ICE2: variants seen among roughly 807,000 people sequenced by gnomAD.
ICE2 encodes little elongation complex subunit 2.
A neutral mutation model predicts 105.4 loss-of-function variants in ICE2; 87 were observed. The observed-to-expected ratio is 0.83, with a 90% CI of 0.69 to 0.99. The LOEUF (loss-of-function observed/expected upper bound fraction) is 0.99, where lower values mean the gene tolerates loss of function less well. Among genes scored for constraint, ICE2 ranks in the 50% least tolerant of loss-of-function variants. The pLI, the probability that ICE2 is intolerant of heterozygous loss-of-function variation, is 0.00. For synonymous variants in ICE2, 399 were observed against 392.0 expected (o/e 1.02, Z -0.21); for missense variants, 1,323 against 1,146.7 (o/e 1.15, Z -2.22).
At chr15:60,472,903 G>A (rs1025227624) in intron 3 of ICE2, among the ~76,000 whole-genome samples, 5 of 152,074 alleles carry the variant, frequency 3.3e-5, no homozygotes, top group African/African-American at 1.2e-4. Context: ...GAAAGGCTGA[G>A]AGAAAAGTTC....
chr15:60,463,734 C>T (rs754127112), intron 5 of ICE2, among the ~76,000 whole-genome samples: 2 of 152,182 alleles, frequency 1.3e-5, no homozygotes, highest in Non-Finnish European at 2.9e-5. Context: ...CGTGCCATTG[C>T]ACTCTAGCCT....
At position 60,434,520 on chromosome 15, in the gene ICE2, TACACACAC is replaced by T. The variant is rs71122858; in HGVS notation, c.2510+1615_2510+1622del. ...AATGGATGAATGAATAAAATGTGAT[TACACACAC>T]ACACACACACACACACACACACACA... is the stretch of plus-strand genomic sequence containing the variant. On this transcript the variant is annotated intron_variant, in intron 13 of 15. Transcript: ENST00000261520. Among the ~76,000 whole-genome samples the T allele has an allele frequency of 4.5e-3, 658 of 144,926 alleles. 6 individuals carry two copies. The highest frequency in any genetic ancestry group is 0.013 in the African/African-American group (501 of 37,658).
chr15:60,452,184 A>G, intron 9 of ICE2: 7 of 961,462 alleles, frequency 7.3e-6, no homozygotes, highest in Non-Finnish European at 8.7e-6. Context: ...ATAAGTTAAA[A>G]ATGCTTTATG....
Position 60,423,428 on chromosome 15 carries a change from G to T in ICE2, c.*206C>A. The T allele has an allele frequency of 2.5e-6, 1 of 398,156 alleles. No homozygotes were observed. Among genetic ancestry groups the T allele is most frequent in the South Asian group, 4.8e-5 (1 of 20,694 alleles). The allele number at this position is 398,156 out of a possible 1,614,324, so 24.7% of individuals were successfully genotyped here. On this transcript the variant is annotated 3_prime_UTR_variant, in exon 16 of 16. Coordinates refer to ENST00000261520, the MANE Select transcript of ICE2 (RefSeq NM_024611.6). ...CCATGATAATGTTAAAACATATCAA[G>T]ATCCTCCTCAAACTTCAAGGGTGAA...
chr15:60,453,565 G>GGAATGT, intron 9 of ICE2, 38 bp downstream of exon 9: 1 of 1,602,704 alleles, frequency 6.2e-7, no homozygotes. Context: ...GGATAAACAA[G>GGAATGT]TACATTCCCC....
In ICE2 at chr15:60,428,521, C is replaced by T. The variant is rs146488019; in HGVS notation, c.2728G>A (p.Asp910Asn). The T allele has an allele frequency of 6.8e-6, 11 of 1,614,130 alleles. No individual in the cohort carries two copies. Among genetic ancestry groups the T allele is most frequent in the Non-Finnish European group, 8.5e-6 (10 of 1,180,012 alleles). The change falls in exon 15 of 16, where the codon GAT (aspartate) becomes AAT (asparagine). Residue 910 changes from aspartate (D) to asparagine (N), a missense_variant. By Grantham distance (23) the Asp-to-Asn change is conservative. Coordinates refer to ENST00000261520, the MANE Select transcript of ICE2 (RefSeq NM_024611.6). Reference sequence around the variant, plus strand: ...TGATATGGTAATAACAGGCTGGGATCTAATGGGACCCAGGGAACTGAGAGA... The same window carrying T: ...TGATATGGTAATAACAGGCTGGGATTTAATGGGACCCAGGGAACTGAGAGA... The part of the protein sequence containing the change: ...SSLSVPWVPL[D>N]PSLLLPYHIH...
intron 3 of ICE2, among the ~76,000 whole-genome samples, chr15:60,475,169 T>C (rs1595829018): frequency 6.6e-6 from 1 of 152,220 alleles, no homozygotes; most frequent in East Asian, 1.9e-4. Flanking sequence ...TTGGTGTATT[T>C]ATACATTTTT....
At chr15:60,460,151 T>G (rs2141111891) in intron 5 of ICE2, among the ~76,000 whole-genome samples, 1 of 152,096 alleles carries the variant, frequency 6.6e-6, no homozygotes, top group African/African-American at 2.4e-5. Context: ...GACCATATGG[T>G]TTTGGCATCA....
At chr15:60,442,052 T>C (rs2063730397) in intron 12 of ICE2, 1 of 163,620 alleles carries the variant, frequency 6.1e-6, no homozygotes, top group South Asian at 1.8e-4. Context: ...ACCAGAGCTT[T>C]TGGAGGCTAA....
intron 5 of ICE2, among the ~76,000 whole-genome samples, chr15:60,461,949 G>T (rs36045673): frequency 0.096 from 14,628 of 152,206 alleles, 904 homozygotes; most frequent in Middle Eastern, 0.21. Context: ...AATACTATTT[G>T]AGGCTTACAA....
intron 9 of ICE2, chr15:60,452,222 G>A (rs1285691758): frequency 1.1e-6 from 1 of 936,412 alleles, no homozygotes; most frequent in Non-Finnish European, 1.3e-6. Flanking sequence ...ATATTAAAAG[G>A]CAAATGGCAA....
At position 60,449,366 on chromosome 15, in the gene ICE2, A is replaced by G. The variant is rs377001758; in HGVS notation, c.1601T>C (p.Ile534Thr). Residue 534 changes from isoleucine to threonine, a missense_variant, in exon 10 of 16, where the codon ATA becomes ACA. Ile to Thr is a moderately conservative substitution (Grantham distance 89). Transcript: ENST00000261520. ...AGGTCTTTCACCATCAGCATGTAAT[A>G]TATCTATAGTCATATCATTTTTATT... ...TSNKNDMTID[I>T]LHADGERPNV... 1.4e-5 allele frequency: 22 copies of G among 1,613,022 alleles called. No individual in the cohort carries two copies. Among genetic ancestry groups the G allele is most frequent in the Non-Finnish European group, 1.7e-5 (20 of 1,179,652 alleles).
intron 1 of ICE2, 61 bp from the exon 2 acceptor site, chr15:60,478,130 G>A: frequency 1.5e-6 from 1 of 681,514 alleles, no homozygotes; most frequent in Non-Finnish European, 2.6e-6. Context: ...GGTGCTATTA[G>A]GTGAGGAAGA....
intron 15 of ICE2, 104 bp downstream of exon 15, chr15:60,428,325 G>GA: frequency 8.1e-7 from 1 of 1,234,264 alleles, no homozygotes; most frequent in Non-Finnish European, 1.1e-6. Flanking sequence ...ATGGTGCTGT[G>GA]ATTAATATGA....
chr15:60,452,832 G>T, intron 9 of ICE2: 1 of 980,172 alleles, frequency 1.0e-6, no homozygotes, highest in Non-Finnish European at 1.2e-6. Flanking sequence ...TATGTAATCT[G>T]CCCGAGGTCA....
chr15:60,449,677 A>G lies in ICE2; in HGVS notation c.1290T>C (p.Asp430=). ...TTCCTGCTTTGGGGGCTGTAGGAGC[A>G]TCTGTCATGTTAGGTACTGTGGAAG... ...ASTSTVPNMT[D]APTAPKAGTT... Residue 430 remains aspartate, a synonymous_variant, in exon 10 of 16, where the codon GAT becomes GAC. Transcript: ENST00000261520. The G allele has an allele frequency of 6.2e-7, 1 of 1,614,096 alleles. No individual in the cohort carries two copies. The highest frequency in any genetic ancestry group is 8.5e-7 in the Non-Finnish European group (1 of 1,180,018).
In ICE2 at chr15:60,420,980, C is replaced by T. The variant is rs941393646; in HGVS notation, c.*2654G>A. 2 of 151,638 alleles carry T rather than the reference C, an allele frequency of 1.3e-5. No individual in the cohort carries two copies. Among genetic ancestry groups the T allele is most frequent in the East Asian group, 3.8e-4 (2 of 5,198 alleles). 9.4% of individuals were successfully genotyped at this position (151,638 alleles called of 1,614,324 possible). ...CCCCTGTCCTTGCAGAGCTTGTAAT[C>T]TATAAGAAAAGAAAATCAAAGAAAC... On this transcript the variant is annotated 3_prime_UTR_variant, in exon 16 of 16. Coordinates refer to ENST00000261520, the MANE Select transcript of ICE2 (RefSeq NM_024611.6).
intron 5 of ICE2, among the ~76,000 whole-genome samples, chr15:60,463,282 A>AC (rs1253496109): frequency 6.6e-6 from 1 of 152,226 alleles, no homozygotes; most frequent in Non-Finnish European, 1.5e-5. Context: ...TCTTAAGAGT[A>AC]CTGCTTAGAA....
chr15:60,426,189 C>T (rs547489609), intron 15 of ICE2, among the ~76,000 whole-genome samples: 2 of 152,306 alleles, frequency 1.3e-5, no homozygotes, highest in East Asian at 1.9e-4. Context: ...AAATGAACTA[C>T]ATATACAACA....
Sources: allele counts gnomAD v4.1 joint callset (sites outside exome capture counted in the v4.1 genomes callset), GRCh38; gene constraint gnomAD v4.1.1; transcripts MANE v1.5; gene names NCBI Gene and HGNC (gene_info 2026-07-23, HGNC 2026-07-21).